Variants in TCERG1L observed in about 807,000 individuals in gnomAD.
TCERG1L encodes transcription elongation regulator 1 like.
Under a neutral mutation model 56.3 loss-of-function variants are expected in TCERG1L, and 37 were observed. The observed-to-expected ratio is 0.66, with a 90% confidence interval of 0.51 to 0.87. The LOEUF is 0.87. Ranked by LOEUF, TCERG1L falls within the 40% of genes least tolerant of loss-of-function variation. The probability of loss-of-function intolerance (pLI) is 0.00; values close to 1 mark genes in which losing one functional copy is unlikely to be tolerated. For synonymous variants in TCERG1L, 324 were observed against 326.3 expected, an observed-to-expected ratio of 0.99 and a Z score of 0.08; for missense variants, 799 against 774.2, an observed-to-expected ratio of 1.03 and a Z score of -0.38.
chr10:131,239,997 C>G (rs56301529), intron 4 of TCERG1L, among the ~76,000 whole-genome samples: 6,382 of 152,194 alleles, frequency 0.042, 200 homozygotes, highest in Non-Finnish European at 0.067. Context: ...GCACACACCC[C>G]GTGGTTTCAG....
intron 4 of TCERG1L, among the ~76,000 whole-genome samples, chr10:131,180,479 C>T (rs533150998): frequency 3.9e-5 from 6 of 152,280 alleles, no homozygotes; most frequent in South Asian, 2.1e-4. Flanking sequence ...TGTATTTTTA[C>T]GTTCACATTC....
intron 7 of TCERG1L, among the ~76,000 whole-genome samples, chr10:131,136,144 C>G (rs56859243): frequency 0.34 from 52,298 of 152,134 alleles, 9,496 homozygotes; most frequent in South Asian, 0.51. Context: ...CTAGAGCCAA[C>G]ACCATTGATA....
At chr10:131,140,671 G>A (rs1294361334) in intron 7 of TCERG1L, among the ~76,000 whole-genome samples, 1 of 152,228 alleles carries the variant, frequency 6.6e-6, no homozygotes, top group African/African-American at 2.4e-5. Flanking sequence ...ACCCCAGAGA[G>A]CACCTTGCAG....
At chr10:131,301,145 C>T (rs1056552523) in intron 3 of TCERG1L, among the ~76,000 whole-genome samples, 4 of 151,992 alleles carry the variant, frequency 2.6e-5, no homozygotes, top group Non-Finnish European at 5.9e-5. Context: ...TCAGCACTTG[C>T]AACTGGATAG....
At chr10:131,210,722 C>G (rs550271363) in intron 4 of TCERG1L, among the ~76,000 whole-genome samples, 1 of 152,270 alleles carries the variant, frequency 6.6e-6, no homozygotes, top group South Asian at 2.1e-4. Flanking sequence ...TCCTCCTCCT[C>G]CTCCTTATTC....
chr10:131,247,622 A>T (rs73398454), intron 4 of TCERG1L, among the ~76,000 whole-genome samples: 1,792 of 152,312 alleles, frequency 0.012, 36 homozygotes, highest in African/African-American at 0.037. Flanking sequence ...GAACCCTGGA[A>T]GAATAACCAC....
chr10:131,156,781 A>G (rs774863460), intron 6 of TCERG1L, among the ~76,000 whole-genome samples: 1 of 151,880 alleles, frequency 6.6e-6, no homozygotes, highest in African/African-American at 2.4e-5. Flanking sequence ...TGCTCAATCG[A>G]TCACGACCCT....
At chr10:131,207,929 C>A (rs907645911) in intron 4 of TCERG1L, among the ~76,000 whole-genome samples, 1 of 152,116 alleles carries the variant, frequency 6.6e-6, no homozygotes, top group South Asian at 2.1e-4. Context: ...AGGCTCCAGG[C>A]GGCTTCAGGG....
chr10:131,231,143 C>T (rs1047720032), intron 4 of TCERG1L, among the ~76,000 whole-genome samples: 1 of 152,144 alleles, frequency 6.6e-6, no homozygotes, highest in Admixed American at 6.5e-5. Context: ...GAGTTCCAAG[C>T]GAGTGGGTTC....
intron 4 of TCERG1L, among the ~76,000 whole-genome samples, chr10:131,183,602 C>G (rs537971557): frequency 6.6e-6 from 1 of 152,300 alleles, no homozygotes; most frequent in South Asian, 2.1e-4. Context: ...GAATTCTCTA[C>G]TACCTAAGAC....
At chr10:131,124,831 T>A (rs1388246560) in intron 8 of TCERG1L, among the ~76,000 whole-genome samples, 1 of 152,264 alleles carries the variant, frequency 6.6e-6, no homozygotes, top group Non-Finnish European at 1.5e-5. Flanking sequence ...GCTTTCCCAC[T>A]GTGTGCTCTG....
intron 4 of TCERG1L, among the ~76,000 whole-genome samples, chr10:131,233,158 G>A (rs940943822): frequency 3.3e-5 from 5 of 152,272 alleles, no homozygotes; most frequent in East Asian, 1.9e-4. Flanking sequence ...TAACGTGTCC[G>A]CAGCTCTTCT....
In TCERG1L at chr10:131,285,518, AAGAAAG is replaced by A. The variant is rs1442877628; in HGVS notation, c.670+22687_670+22692del. 1.3e-3 allele frequency among the ~76,000 whole-genome samples: 28 copies of A among 20,984 alleles called. 3 individuals carry two copies. The East Asian group carries it at 0.043, about 32-fold the overall frequency. The allele number at this position is 20,984 out of a possible 152,430, so 13.8% of individuals were successfully genotyped here. On this transcript the variant is annotated intron_variant, in intron 3 of 11. Coordinates refer to ENST00000368642, the MANE Select transcript of TCERG1L (RefSeq NM_174937.4). ...AAAGAAAGAAAGAAAGAAAGAAAGA[AAGAAAG>A]AGAGAAAGAAAAGAAAAGAAAGAAA...
intron 3 of TCERG1L, among the ~76,000 whole-genome samples, chr10:131,273,819 T>C (rs1274354551): frequency 3.3e-5 from 5 of 152,058 alleles, no homozygotes; most frequent in Admixed American, 6.5e-5. Flanking sequence ...CTCTGGTGAG[T>C]GCTGGCAAGT....
chr10:131,185,829 T>C (rs534047533), intron 4 of TCERG1L, among the ~76,000 whole-genome samples: 3 of 149,480 alleles, frequency 2.0e-5, no homozygotes, highest in Admixed American at 1.3e-4. Context: ...ATAGACTTAA[T>C]GTGAGACTCA....
intron 4 of TCERG1L, among the ~76,000 whole-genome samples, chr10:131,171,533 C>A (rs1846092781): frequency 6.6e-6 from 1 of 152,228 alleles, no homozygotes; most frequent in South Asian, 2.1e-4. Context: ...ATCACACACC[C>A]TAAGACCAGC....
intron 8 of TCERG1L, among the ~76,000 whole-genome samples, chr10:131,123,248 A>G (rs1845530832): frequency 6.6e-6 from 1 of 152,184 alleles, no homozygotes; most frequent in South Asian, 2.1e-4. Flanking sequence ...AACAATAACC[A>G]ATACCACCAA....
At chr10:131,180,007 C>G (rs959698624) in intron 4 of TCERG1L, among the ~76,000 whole-genome samples, 6 of 152,150 alleles carry the variant, frequency 3.9e-5, no homozygotes, top group African/African-American at 1.4e-4. Flanking sequence ...TTGCCCTGCT[C>G]TGAGCATGGC....
chr10:131,098,457 G>A, intron 10 of TCERG1L, 33 bp from the exon 11 acceptor site: 1 of 1,523,854 alleles, frequency 6.6e-7, no homozygotes. Flanking sequence ...AAAACATCAT[G>A]AAATTGCATA....
Sources: gnomAD v4.1 joint callset for allele counts (sites outside exome capture counted in the v4.1 genomes callset) on GRCh38, gnomAD v4.1.1 for gene constraint, MANE v1.5 for transcripts, NCBI Gene and HGNC (gene_info 2026-07-23, HGNC 2026-07-21) for gene names.